WDR27: variants seen among roughly 807,000 people sequenced by gnomAD.
The protein encoded by WDR27 is WD repeat domain 27, also known as WD repeat-containing protein 27.
A neutral mutation model predicts 114.4 loss-of-function variants in WDR27; 100 were observed. The ratio of observed to expected loss-of-function variants is 0.87; its 90% CI spans 0.74 to 1.03. The LOEUF (loss-of-function observed/expected upper bound fraction) is 1.03, where lower values mean the gene tolerates loss of function less well. Among genes scored for constraint, WDR27 ranks in the 50% least tolerant of loss-of-function variants. The pLI is 0.00. For missense variants in WDR27, 1,129 were observed against 1,092.9 expected (o/e 1.03, Z -0.47); for synonymous variants, 449 against 423.1 (o/e 1.06, Z -0.75).
chr6:169,643,232 G>A (rs1163592851), intron 17 of WDR27, among the ~76,000 whole-genome samples: 1 of 152,124 alleles, frequency 6.6e-6, no homozygotes, highest in Non-Finnish European at 1.5e-5. Flanking sequence ...TCAAATATAT[G>A]TCCCAGTTAT....
At chr6:169,606,826 C>T (rs1219020814) in intron 22 of WDR27, among the ~76,000 whole-genome samples, 3 of 152,088 alleles carry the variant, frequency 2.0e-5, no homozygotes, top group African/African-American at 4.8e-5. Context: ...TGGGTATATA[C>T]CCAGTAATGG....
chr6:169,530,693 G>T (rs983680812), intron 25 of WDR27, among the ~76,000 whole-genome samples: 3 of 152,184 alleles, frequency 2.0e-5, no homozygotes, highest in Admixed American at 6.5e-5. Context: ...CAGCAGCTCA[G>T]CCTTCTTGAG....
At chr6:169,656,043 GCT>G (rs79824271) in intron 13 of WDR27, among the ~76,000 whole-genome samples, 11,950 of 152,160 alleles carry the variant, frequency 0.079, 561 homozygotes, top group African/African-American at 0.1. Context: ...TTGAGTGACA[GCT>G]CTCAGCAGAG....
chr6:169,658,063 A>C, intron 13 of WDR27: 1 of 477,834 alleles, frequency 2.1e-6, no homozygotes, highest in Non-Finnish European at 3.9e-6. Context: ...CCCATGAGTG[A>C]TGGCCAATTC....
chr6:169,634,001 A>C (rs941675823), intron 20 of WDR27, among the ~76,000 whole-genome samples: 1 of 152,236 alleles, frequency 6.6e-6, no homozygotes, highest in Non-Finnish European at 1.5e-5. Context: ...ATCAACTTTG[A>C]AAATTAAAAG....
intron 25 of WDR27, among the ~76,000 whole-genome samples, chr6:169,464,006 T>A (rs1173496001): frequency 6.6e-6 from 1 of 152,306 alleles, no homozygotes; most frequent in East Asian, 1.9e-4. Context: ...AAAATCCCAA[T>A]GACATTTTTT....
intron 21 of WDR27, among the ~76,000 whole-genome samples, chr6:169,630,897 T>TCAAC (rs1300925361): frequency 6.6e-6 from 1 of 151,348 alleles, no homozygotes; most frequent in East Asian, 1.9e-4. Context: ...CCATCTCAAA[T>TCAAC]CAATCAATCA....
intron 1 of WDR27, among the ~76,000 whole-genome samples, chr6:169,697,941 G>A (rs74918446): frequency 0.016 from 2,417 of 152,276 alleles, 33 homozygotes; most frequent in Middle Eastern, 0.082. Flanking sequence ...CCCCGCGCAC[G>A]GGGAGAGACC....
At position 169,664,005 on chromosome 6, in the gene WDR27, ACATGACCTG is replaced by A. The variant is rs1434790370; in HGVS notation, c.904+152_904+160del. Among the ~76,000 whole-genome samples the A allele has an allele frequency of 2.0e-5, 3 of 152,072 alleles. No individual in the cohort carries two copies. In the East Asian group the frequency reaches 5.8e-4, roughly 29 times the overall value. On this transcript the variant is annotated intron_variant, in intron 8 of 25. Coordinates refer to ENST00000448612, the MANE Select transcript of WDR27 (RefSeq NM_182552.5). ...TCCATCTGCTGATGGCCCACCCCTC[ACATGACCTG>A]CAGGGCCTCAGTGGTTTTCTGAGGT... is the stretch of plus-strand genomic sequence containing the variant.
chr6:169,658,840 T>C (rs1825093842), intron 12 of WDR27, among the ~76,000 whole-genome samples: 1 of 152,062 alleles, frequency 6.6e-6, no homozygotes, highest in South Asian at 2.1e-4. Context: ...CCTGCCACCA[T>C]GCCTGGCTAA....
At chr6:169,647,951 G>T in intron 15 of WDR27, 81 bp from the exon 16 acceptor site, 1 of 979,136 alleles carries the variant, frequency 1.0e-6, no homozygotes, top group South Asian at 1.6e-5. Flanking sequence ...GAAACGAAGT[G>T]GGCTTCCCCC....
chr6:169,654,878 CAG>C (rs1823684434), intron 13 of WDR27, among the ~76,000 whole-genome samples: 1 of 152,168 alleles, frequency 6.6e-6, no homozygotes, highest in African/African-American at 2.4e-5. Flanking sequence ...GAAGCGCGCA[CAG>C]AGGAGTTTGT....
downstream of WDR27, among the ~76,000 whole-genome samples, chr6:169,453,520 C>G (rs893157287): frequency 2.0e-5 from 3 of 152,206 alleles, no homozygotes; most frequent in African/African-American, 7.2e-5. Flanking sequence ...CGCTTTCTCT[C>G]CTGGGTTGTC....
chr6:169,657,802 C>T (rs547300660), intron 13 of WDR27: 1 of 156,666 alleles, frequency 6.4e-6, no homozygotes. Context: ...CTTGCTAATA[C>T]AAGGTTCCAA....
intron 15 of WDR27, 149 bp downstream of exon 15, chr6:169,649,049 A>G (rs949261271): frequency 5.6e-6 from 3 of 539,218 alleles, no homozygotes; most frequent in Non-Finnish European, 9.6e-6. Context: ...AGATATATAA[A>G]TAATATAGAT....
rs1811071358 is a variant in WDR27 at position 169,613,422 on chromosome 6, C to T, written c.2321+137G>A. ...CCTTCCAAAGTTAGAGCTAACTTTT[C>T]TGTGCATAAATCAGTCTTAGATTAG... On this transcript the variant is annotated intron_variant, in intron 22 of 25. Transcript: ENST00000448612. The T allele has an allele frequency of 1.1e-5, 7 of 640,974 alleles. No homozygotes were observed. The East Asian group carries it at 1.7e-4, about 16-fold the overall frequency. The allele number at this position is 640,974 out of a possible 1,614,324, so 39.7% of individuals were successfully genotyped here. A position where few individuals can be genotyped will look rare whatever the true frequency, so the allele number is the denominator to read the frequency against.
At chr6:169,563,230 C>A (rs1409697333) in intron 25 of WDR27, among the ~76,000 whole-genome samples, 1 of 152,134 alleles carries the variant, frequency 6.6e-6, no homozygotes, top group Non-Finnish European at 1.5e-5. Flanking sequence ...TTGAACCCAG[C>A]CTCCTCCACC....
intron 25 of WDR27, among the ~76,000 whole-genome samples, chr6:169,533,786 G>A (rs1795889362): frequency 6.6e-6 from 1 of 152,052 alleles, no homozygotes; most frequent in Admixed American, 6.6e-5. Context: ...AAGCAACCAT[G>A]CATCACCAAC....
intron 25 of WDR27, among the ~76,000 whole-genome samples, chr6:169,561,654 C>T (rs549509707): frequency 3.5e-4 from 53 of 150,292 alleles, no homozygotes; most frequent in Non-Finnish European, 6.5e-4. Context: ...AATAAAAAAA[C>T]AAAGATCAGA....
Sources: allele counts gnomAD v4.1 joint callset (sites outside exome capture counted in the v4.1 genomes callset), GRCh38; gene constraint gnomAD v4.1.1; transcripts MANE v1.5; gene names NCBI Gene and HGNC (gene_info 2026-07-23, HGNC 2026-07-21).